Variants in CA10 observed in about 807,000 individuals in gnomAD.
CA10 encodes the protein carbonic anhydrase 10 (inactive).
CA10 carries 14 observed loss-of-function variants against 44.2 expected under a neutral mutation model. The ratio of observed to expected loss-of-function variants is 0.32; its 90% CI spans 0.21 to 0.50. The LOEUF is 0.50. Among genes scored for constraint, CA10 ranks in the 20% least tolerant of loss-of-function variants. The pLI is 0.99. For synonymous variants in CA10, 159 were observed against 141.6 expected (o/e 1.12, Z -0.87); for missense variants, 350 against 409.7 (o/e 0.85, Z 1.26).
chr17:51,758,176 A>G (rs904441360), intron 3 of CA10, among the ~76,000 whole-genome samples: 1 of 152,094 alleles, frequency 6.6e-6, no homozygotes, highest in Admixed American at 6.5e-5. Flanking sequence ...TAAAAAGGAT[A>G]GGATTTTGGC....
chr17:52,122,298 T>C (rs993768701), intron 1 of CA10, among the ~76,000 whole-genome samples: 2 of 152,206 alleles, frequency 1.3e-5, no homozygotes, highest in African/African-American at 2.4e-5. Flanking sequence ...GATAAATTCA[T>C]TGTGAACCAA....
intron 2 of CA10, among the ~76,000 whole-genome samples, chr17:51,935,103 T>C (rs1326705792): frequency 6.6e-6 from 1 of 152,120 alleles, no homozygotes; most frequent in African/African-American, 2.4e-5. Flanking sequence ...AAGGTTCTGA[T>C]ACTTAACTAC....
intron 2 of CA10, among the ~76,000 whole-genome samples, chr17:52,043,264 G>C (rs1436446428): frequency 6.6e-6 from 1 of 152,032 alleles, no homozygotes; most frequent in Non-Finnish European, 1.5e-5. Context: ...GCATCTCACA[G>C]TTTGCACTAT....
intron 2 of CA10, among the ~76,000 whole-genome samples, chr17:52,058,566 T>A (rs1378357621): frequency 1.3e-5 from 2 of 152,168 alleles, no homozygotes; most frequent in Non-Finnish European, 2.9e-5. Flanking sequence ...GGGACTCTCA[T>A]AAATGAAATG....
chr17:51,658,733 T>C (rs570054560), intron 4 of CA10, among the ~76,000 whole-genome samples: 16 of 152,268 alleles, frequency 1.1e-4, no homozygotes, highest in African/African-American at 3.4e-4. Context: ...AAGAAACCAA[T>C]TGATCTGATG....
chr17:51,868,780 C>T (rs1433764204), intron 3 of CA10, among the ~76,000 whole-genome samples: 1 of 152,062 alleles, frequency 6.6e-6, no homozygotes, highest in Admixed American at 6.6e-5. Context: ...TGTTTATAGT[C>T]ACCAGCTCTC....
rs552826339 is a variant in CA10, at chr17:51,630,462, A to AACTT, written c.*1118_*1121dup. ...AGAGAAAACATACCCCTTTCCCAGG[A>AACTT]ACTTACAAGGCAAAGTGCATTCCTT... is the stretch of plus-strand genomic sequence containing the variant. On this transcript the variant is annotated 3_prime_UTR_variant, in exon 9 of 9. Transcript: ENST00000451037. 23 of 152,648 alleles carry AACTT rather than the reference A, an allele frequency of 1.5e-4. No homozygotes were observed. The highest frequency in any genetic ancestry group is 4.6e-4 in the African/African-American group (19 of 41,458). The allele number at this position is 152,648 out of a possible 1,614,324, so 9.5% of individuals were successfully genotyped here.
intron 2 of CA10, among the ~76,000 whole-genome samples, chr17:51,951,107 T>A (rs912101496): frequency 3.3e-5 from 5 of 152,122 alleles, no homozygotes; most frequent in Admixed American, 2.0e-4. Context: ...ATAATACATA[T>A]CCCTGATTAT....
intron 3 of CA10, among the ~76,000 whole-genome samples, chr17:51,867,136 C>T (rs189786076): frequency 3.1e-4 from 47 of 152,016 alleles, no homozygotes; most frequent in African/African-American, 1.1e-3. Flanking sequence ...AGAAATGAGG[C>T]CACATGTCAA....
intron 1 of CA10, among the ~76,000 whole-genome samples, chr17:52,120,739 C>T (rs2143315173): frequency 6.6e-6 from 1 of 152,284 alleles, no homozygotes; most frequent in East Asian, 1.9e-4. Context: ...ATTCACGCCT[C>T]ATGCAGGGGG....
rs916782909 is a variant in CA10 at position 51,747,835 on chromosome 17, A to G, written c.280-17T>C. ...CCCACTGACCTGCAAGGCAATTAGC[A>G]ACAGGTCAAGCAAGGCCCTCCTTCT... is the stretch of plus-strand genomic sequence containing the variant. On this transcript the variant is annotated splice_polypyrimidine_tract_variant and intron_variant, in intron 3 of 8. Coordinates refer to ENST00000451037, the MANE Select transcript of CA10 (RefSeq NM_020178.5). 2 of 1,598,334 alleles carry G rather than the reference A, an allele frequency of 1.3e-6. No homozygotes were observed. Among genetic ancestry groups the G allele is most frequent in the African/African-American group, 1.3e-5 (1 of 74,734 alleles).
chr17:51,977,979 T>C (rs1330504048), intron 2 of CA10, among the ~76,000 whole-genome samples: 4 of 152,128 alleles, frequency 2.6e-5, no homozygotes, highest in African/African-American at 7.2e-5. Context: ...TGTGCAAGAA[T>C]GCTCTGCTGA....
At chr17:51,912,866 A>G (rs907603145) in intron 3 of CA10, among the ~76,000 whole-genome samples, 2 of 152,248 alleles carry the variant, frequency 1.3e-5, no homozygotes, top group African/African-American at 4.8e-5. Context: ...TAAAATATCC[A>G]TCTAAAACTC....
At chr17:51,863,651 C>T (rs1393933086) in intron 3 of CA10, among the ~76,000 whole-genome samples, 1 of 152,176 alleles carries the variant, frequency 6.6e-6, no homozygotes, top group East Asian at 1.9e-4. Context: ...TACAAATTCA[C>T]TGGTCCCCAC....
chr17:52,114,948 A>G (rs888920621), intron 1 of CA10, among the ~76,000 whole-genome samples: 7 of 152,162 alleles, frequency 4.6e-5, no homozygotes, highest in African/African-American at 1.7e-4. Context: ...ATGCTCTGCC[A>G]CTGATATATG....
upstream of CA10, chr17:52,159,225 C>G (rs1464718172): frequency 2.0e-5 from 3 of 152,432 alleles, no homozygotes; most frequent in Non-Finnish European, 4.4e-5. Context: ...CCCTCTCATG[C>G]CCCCCACCCT....
At chr17:51,940,174 C>T (rs73350222) in intron 2 of CA10, among the ~76,000 whole-genome samples, 1,997 of 152,152 alleles carry the variant, frequency 0.013, 31 homozygotes, top group African/African-American at 0.045. Flanking sequence ...TCAAACTGAA[C>T]GCCCCTTTGA....
rs1474869536 is a variant in CA10 at position 52,154,407 on chromosome 17, T to C, written c.61+3319A>G. On this transcript the variant is annotated intron_variant, in intron 1 of 8. Transcript: ENST00000451037. ...ACATAATTCAAATGGTTATTGATGT[T>C]ATTATTATGAATAAACTGACAAAGA... Among the ~76,000 whole-genome samples, 3 of 152,324 alleles carry C rather than the reference T, an allele frequency of 2.0e-5. No individual in the cohort carries two copies. In the East Asian group the frequency reaches 5.8e-4, roughly 29 times the overall value.
chr17:52,108,397 G>C (rs1021527409), intron 1 of CA10, among the ~76,000 whole-genome samples: 4 of 151,382 alleles, frequency 2.6e-5, no homozygotes, highest in African/African-American at 9.7e-5. Context: ...AGGATGCAAA[G>C]ACATAAGAAT....
Sources: allele counts gnomAD v4.1 joint callset (sites outside exome capture counted in the v4.1 genomes callset), GRCh38; gene constraint gnomAD v4.1.1; transcripts MANE v1.5; gene names NCBI Gene and HGNC (gene_info 2026-07-23, HGNC 2026-07-21).